The following LIPG variants were observed in gnomAD, a reference collection of about 807,000 sequenced individuals.
LIPG encodes lipase G, endothelial type.
A neutral mutation model predicts 51.8 loss-of-function variants in LIPG; 34 were observed. The observed-to-expected ratio is 0.66, with a 90% confidence interval of 0.50 to 0.87. LIPG has a LOEUF of 0.87. Among genes scored for constraint, LIPG ranks in the 40% least tolerant of loss-of-function variants. The probability of loss-of-function intolerance (pLI) is 0.00; values close to 1 mark genes in which losing one functional copy is unlikely to be tolerated. For synonymous variants in LIPG, 246 were observed against 246.1 expected, an observed-to-expected ratio of 1.00 and a Z score of 0.00; for missense variants, 580 against 652.7, an observed-to-expected ratio of 0.89 and a Z score of 1.21.
intron 2 of LIPG, 116 bp downstream of exon 2, chr18:49,565,614 G>T (rs754206171): frequency 8.0e-5 from 94 of 1,181,440 alleles, no homozygotes; most frequent in Non-Finnish European, 1.1e-4. Context: ...CCCTTTCCTT[G>T]TGGGCTGCTT....
At position 49,596,871 on chromosome 18, in the gene LIPG, A is replaced by C. The variant is rs1324359379; in HGVS notation, c.*6349A>C. The C allele has an allele frequency of 1.3e-5, 2 of 150,348 alleles. No individual in the cohort carries two copies. The highest frequency in any genetic ancestry group is 2.5e-5 in the African/African-American group (1 of 40,626). 9.3% of individuals were successfully genotyped at this position (150,348 alleles called of 1,614,324 possible). The stretch of plus-strand genomic sequence containing the variant: ...ATTTTCCAAATGCATTTGACTTCCT[A>C]CTCTCTTAGCCCCAGCTCTCTGGTA... On this transcript the variant is annotated 3_prime_UTR_variant, in exon 10 of 10. Coordinates refer to ENST00000261292, the MANE Select transcript of LIPG (RefSeq NM_006033.4).
At chr18:49,582,804 C>T (rs1190077843) in intron 7 of LIPG, among the ~76,000 whole-genome samples, 1 of 152,260 alleles carries the variant, frequency 6.6e-6, no homozygotes, top group East Asian at 1.9e-4. Context: ...TTCAGGCAAT[C>T]TGTAACTTCG....
intron 5 of LIPG, among the ~76,000 whole-genome samples, chr18:49,578,926 C>G (rs1416131864): frequency 2.1e-5 from 3 of 144,012 alleles, no homozygotes; most frequent in Admixed American, 7.0e-5. Context: ...GCAGGAGAAT[C>G]AGGCAGGGAG....
upstream of LIPG, chr18:49,561,499 C>T (rs2084548996): frequency 2.4e-6 from 1 of 415,026 alleles, no homozygotes; most frequent in African/African-American, 2.0e-5. Flanking sequence ...CAGCTCACAG[C>T]CCCTTAGCTC....
At chr18:49,562,038 A>G, upstream of LIPG, 3 of 1,431,372 alleles carry the variant, frequency 2.1e-6, no homozygotes, top group Middle Eastern at 2.6e-4. Flanking sequence ...TTTAAAAACT[A>G]CCTCTATAGG....
chr18:49,562,041 T>A, upstream of LIPG: 2 of 1,433,036 alleles, frequency 1.4e-6, no homozygotes, highest in Non-Finnish European at 1.8e-6. Context: ...AAAAACTACC[T>A]CTATAGGAGC....
In LIPG at chr18:49,562,370, G is replaced by A; in HGVS notation, c.62G>A (p.Ser21Asn). 1 of 1,613,970 alleles carries A rather than the reference G, an allele frequency of 6.2e-7. No homozygotes were observed. The highest frequency in any genetic ancestry group is 1.1e-5 in the South Asian group (1 of 91,068). The stretch of plus-strand genomic sequence containing the variant: ...CTCTGCTATTGCTTTGCTGCGGGGA[G>A]CCCCGTACCTTTTGGTCCAGAGGGA... ...WSLCYCFAAG[S>N]PVPFGPEGRL... Residue 21 changes from serine (S) to asparagine (N), a missense_variant, in exon 1 of 10, where the codon AGC (serine) becomes AAC (asparagine). Coordinates refer to ENST00000261292, the MANE Select transcript of LIPG (RefSeq NM_006033.4).
In LIPG at chr18:49,593,013, C is replaced by A. The variant is rs1400697710; in HGVS notation, c.*2491C>A. Reference sequence around the variant, plus strand: ...AGTGGCAATCTTGGCTCACTACAACCTCTGCCTCCTGGGCTCAGGTGGTCC... The same window carrying A: ...AGTGGCAATCTTGGCTCACTACAACATCTGCCTCCTGGGCTCAGGTGGTCC... On this transcript the variant is annotated 3_prime_UTR_variant, in exon 10 of 10. Coordinates refer to ENST00000261292, the MANE Select transcript of LIPG (RefSeq NM_006033.4). 6.7e-6 allele frequency: 1 copy of A among 149,320 alleles called. No homozygotes were observed. The highest frequency in any genetic ancestry group is 2.5e-5 in the African/African-American group (1 of 40,280). 9.2% of individuals were successfully genotyped at this position (149,320 alleles called of 1,614,324 possible).
intron 1 of LIPG, 35 bp from the exon 2 acceptor site, chr18:49,565,282 G>A (rs1217842515): frequency 1.9e-6 from 3 of 1,609,210 alleles, no homozygotes; most frequent in Non-Finnish European, 2.5e-6. Context: ...CCGCAAGTCT[G>A]CTAGATGCAC....
chr18:49,577,848 A>G (rs1322440641), intron 5 of LIPG, among the ~76,000 whole-genome samples: 1 of 87,728 alleles, frequency 1.1e-5, no homozygotes. Context: ...GGGGGGGCTG[A>G]CCCCCCCATC....
chr18:49,575,261 T>C lies in LIPG; in HGVS notation c.572-108T>C. ...TCCATGTCTTGATTCTCCCAGCTGG[T>C]CTCAGAAGTCATCTTCATTCTGCAC... On this transcript the variant is annotated intron_variant, in intron 4 of 9. Transcript: ENST00000261292. The C allele has an allele frequency of 3.7e-6, 3 of 802,562 alleles. No homozygotes were observed. In the Admixed American group the frequency reaches 6.4e-5, roughly 17 times the overall value. The allele number at this position is 802,562 out of a possible 1,614,324, so 49.7% of individuals were successfully genotyped here.
rs1262366745 is a variant in LIPG, at chr18:49,591,188, C to T, written c.*666C>T. The T allele has an allele frequency of 6.3e-6, 1 of 157,948 alleles. No homozygotes were observed. Among genetic ancestry groups the T allele is most frequent in the Non-Finnish European group, 1.4e-5 (1 of 71,218 alleles). The allele number at this position is 157,948 out of a possible 1,614,324, so 9.8% of individuals were successfully genotyped here. A position where few individuals can be genotyped will look rare whatever the true frequency, so the allele number is the denominator to read the frequency against. On this transcript the variant is annotated 3_prime_UTR_variant, in exon 10 of 10. Coordinates refer to ENST00000261292, the MANE Select transcript of LIPG (RefSeq NM_006033.4). ...TTAGAATGTGGTAATGGACATATTA[C>T]TGAGCCTCTCCATTTGGAACCCAGT...
At chr18:49,570,064 T>C (rs2084647528) in intron 4 of LIPG, among the ~76,000 whole-genome samples, 1 of 152,196 alleles carries the variant, frequency 6.6e-6, no homozygotes, top group Non-Finnish European at 1.5e-5. Flanking sequence ...GAATAGTAGA[T>C]TTTAGTTTGA....
rs574955819 is a variant in LIPG at position 49,597,935 on chromosome 18, T to C, written c.*7413T>C. 1 of 152,210 alleles carries C rather than the reference T, an allele frequency of 6.6e-6. No homozygotes were observed. Among genetic ancestry groups the C allele is most frequent in the African/African-American group, 2.4e-5 (1 of 41,456 alleles). 9.4% of individuals were successfully genotyped at this position (152,210 alleles called of 1,614,324 possible). A position where few individuals can be genotyped will look rare whatever the true frequency, so the allele number is the denominator to read the frequency against. On this transcript the variant is annotated 3_prime_UTR_variant, in exon 10 of 10. Transcript: ENST00000261292. ...GGTTATTATCCCAAGGCAACTTCAGTGGGCTTGTTTTGAAGTCAAAGCCTC... is the reference window on the plus strand; with the variant it reads ...GGTTATTATCCCAAGGCAACTTCAGCGGGCTTGTTTTGAAGTCAAAGCCTC...
In LIPG at chr18:49,593,761, A is replaced by G. The variant is rs931040027; in HGVS notation, c.*3239A>G. The G allele has an allele frequency of 6.6e-6, 1 of 152,242 alleles. No individual in the cohort carries two copies. The highest frequency in any genetic ancestry group is 1.5e-5 in the Non-Finnish European group (1 of 68,034). The allele number at this position is 152,242 out of a possible 1,614,324, so 9.4% of individuals were successfully genotyped here. A position where few individuals can be genotyped will look rare whatever the true frequency, so the allele number is the denominator to read the frequency against. On this transcript the variant is annotated 3_prime_UTR_variant, in exon 10 of 10. Coordinates refer to ENST00000261292, the MANE Select transcript of LIPG (RefSeq NM_006033.4). ...AAGACATGACTGAGAAGTTGCTTAC[A>G]TTCTATTGGCCAGAAATAAATCCAT... is the stretch of plus-strand genomic sequence containing the variant.
intron 9 of LIPG, among the ~76,000 whole-genome samples, chr18:49,587,789 C>CTT (rs11443648): frequency 3.3e-4 from 49 of 147,318 alleles, no homozygotes; most frequent in African/African-American, 6.5e-4. Flanking sequence ...TTTGAAGTAT[C>CTT]TTTTTTTTTT....
Position 49,575,491 on chromosome 18 carries a change from A to G in LIPG, c.694A>G (p.Ile232Val), listed in dbSNP as rs1478354104. 2 of 1,614,108 alleles carry G rather than the reference A, an allele frequency of 1.2e-6. No homozygotes were observed. Among genetic ancestry groups the G allele is most frequent in the Admixed American group, 3.3e-5 (2 of 60,004 alleles). ...GCGTTCCTTCGGCTTGAGCATTGGT[A>G]TTCAGATGCCTGTGGGCCACATTGA... ...YTRSFGLSIG[I>V]QMPVGHIDIY... Residue 232 changes from isoleucine (I) to valine (V), a missense_variant, in exon 5 of 10, where the codon ATT (isoleucine) becomes GTT (valine). Coordinates refer to ENST00000261292, the MANE Select transcript of LIPG (RefSeq NM_006033.4).
At chr18:49,572,418 C>A (rs1401430178) in intron 4 of LIPG, among the ~76,000 whole-genome samples, 1 of 152,110 alleles carries the variant, frequency 6.6e-6, no homozygotes, top group African/African-American at 2.4e-5. Context: ...CAACCCTGAA[C>A]ATTCTACGGA....
intron 5 of LIPG, among the ~76,000 whole-genome samples, chr18:49,581,139 C>T (rs940288974): frequency 2.0e-5 from 3 of 151,966 alleles, no homozygotes; most frequent in East Asian, 1.9e-4. Flanking sequence ...ATGTGCCTGT[C>T]GTCCCAGATA....
Sources: allele counts gnomAD v4.1 joint callset (sites outside exome capture counted in the v4.1 genomes callset), GRCh38; gene constraint gnomAD v4.1.1; transcripts MANE v1.5; gene names NCBI Gene and HGNC (gene_info 2026-07-23, HGNC 2026-07-21).